HESX1: variants seen among roughly 807,000 people sequenced by gnomAD.
HESX1 encodes the protein HESX homeobox 1, also known as homeobox expressed in ES cells 1.
Under a neutral mutation model 22.5 loss-of-function variants are expected in HESX1, and 11 were observed. The ratio of observed to expected loss-of-function variants is 0.49; its 90% CI spans 0.31 to 0.81. HESX1 has a LOEUF of 0.81. Ranked by LOEUF, HESX1 falls within the 30% of genes least tolerant of loss-of-function variation. HESX1 has a pLI of 0.05. For synonymous variants in HESX1, 74 were observed against 76.5 expected (o/e 0.97, Z 0.17); for missense variants, 201 against 212.6 (o/e 0.95, Z 0.34).
At chr3:57,219,808 T>A (rs1259125661) in intron 1 of HESX1, among the ~76,000 whole-genome samples, 1 of 152,230 alleles carries the variant, frequency 6.6e-6, no homozygotes, top group Non-Finnish European at 1.5e-5. Flanking sequence ...ACTCTGTTGA[T>A]ATTTTCTTTT....
Position 57,199,884 on chromosome 3 carries a change from C to T in HESX1, c.35G>A (p.Gly12Glu), listed in dbSNP as rs1211787671. Reference protein sequence around the residue: ...SPSLQEGAQLGENKPSTCSFS... With the variant: ...SPSLQEGAQLEENKPSTCSFS... Reference sequence around the variant, plus strand: ...GGAGCAAGTTGAGGGTTTGTTTTCCCCGAGCTGAGCGCCTTCCTGAAGGCT... The same window carrying T: ...GGAGCAAGTTGAGGGTTTGTTTTCCTCGAGCTGAGCGCCTTCCTGAAGGCT... Residue 12 changes from glycine to glutamate, a missense_variant, in exon 1 of 4, where the codon GGG becomes GAG. Physicochemically the swap from Gly to Glu is moderately conservative, Grantham distance 98. Transcript: ENST00000295934. 32 of 1,613,882 alleles carry T rather than the reference C, an allele frequency of 2.0e-5. No individual in the cohort carries two copies. Among genetic ancestry groups the T allele is most frequent in the Non-Finnish European group, 2.4e-5 (28 of 1,179,980 alleles).
At chr3:57,224,494 T>C (rs2060632101) in intron 1 of HESX1, among the ~76,000 whole-genome samples, 1 of 152,092 alleles carries the variant, frequency 6.6e-6, no homozygotes, top group Non-Finnish European at 1.5e-5. Flanking sequence ...AAATGATCAT[T>C]CTCCATCTTG....
chr3:57,221,564 G>C (rs971602253), intron 1 of HESX1, among the ~76,000 whole-genome samples: 1 of 152,148 alleles, frequency 6.6e-6, no homozygotes, highest in Non-Finnish European at 1.5e-5. Flanking sequence ...TGCAATCATA[G>C]CTCACTACAG....
intron 1 of HESX1, among the ~76,000 whole-genome samples, chr3:57,221,947 A>G (rs866608313): frequency 5.3e-5 from 8 of 152,206 alleles, no homozygotes; most frequent in African/African-American, 1.9e-4. Flanking sequence ...TTTATTTTTT[A>G]TTGTCTTTCT....
Position 57,198,236 on chromosome 3 carries a change from T to G in HESX1, c.519A>C (p.Leu173=). The change falls in exon 4 of 4, where the codon CTA becomes CTC. Residue 173 remains leucine (L), a synonymous_variant. Coordinates refer to ENST00000295934, the MANE Select transcript of HESX1 (RefSeq NM_003865.3). ...TTGTGTTGAAATTTTTTTTCGCCAT[T>G]AGAAACTGTGATTCTCTATGGGACC... ...LKRSHRESQF[L]MAKKNFNTNL... is the part of the protein sequence containing the mutation. The G allele has an allele frequency of 6.2e-7, 1 of 1,613,252 alleles. No homozygotes were observed. The highest frequency in any genetic ancestry group is 8.5e-7 in the Non-Finnish European group (1 of 1,179,440).
chr3:57,219,469 G>A (rs548424881), intron 1 of HESX1, among the ~76,000 whole-genome samples: 3 of 151,794 alleles, frequency 2.0e-5, no homozygotes, highest in African/African-American at 4.8e-5. Context: ...CCAGATTCAC[G>A]CCATTCTCCT....
intron 1 of HESX1, among the ~76,000 whole-genome samples, chr3:57,224,983 TTACTC>T (rs2060634164): frequency 6.6e-6 from 1 of 152,230 alleles, no homozygotes; most frequent in Non-Finnish European, 1.5e-5. Flanking sequence ...CCCAAAGTTT[TTACTC>T]TACTACCCAC....
chr3:57,215,055 G>A (rs1371507731), intron 1 of HESX1, among the ~76,000 whole-genome samples: 2 of 152,102 alleles, frequency 1.3e-5, no homozygotes, highest in Non-Finnish European at 2.9e-5. Flanking sequence ...GACAGAATGT[G>A]ATAAATGATA....
At chr3:57,205,863 A>AT (rs1269880314) in intron 1 of HESX1, among the ~76,000 whole-genome samples, 2 of 152,154 alleles carry the variant, frequency 1.3e-5, no homozygotes, top group African/African-American at 2.4e-5. Flanking sequence ...TCTCTATAGG[A>AT]TTTTTTTGTG....
upstream of HESX1, among the ~76,000 whole-genome samples, chr3:57,201,055 T>A (rs2060482649): frequency 2.0e-5 from 3 of 152,226 alleles, no homozygotes; most frequent in African/African-American, 7.2e-5. Flanking sequence ...TAAATTTAAG[T>A]GCTTAGCTTT....
At chr3:57,198,365 G>T in intron 3 of HESX1, 26 bp downstream of exon 3, 1 of 1,546,816 alleles carries the variant, frequency 6.5e-7, no homozygotes, top group Non-Finnish European at 8.9e-7. Context: ...TCAACATCAT[G>T]AATAACAACT....
chr3:57,224,209 C>T (rs892198500), intron 1 of HESX1, among the ~76,000 whole-genome samples: 1 of 152,204 alleles, frequency 6.6e-6, no homozygotes, highest in African/African-American at 2.4e-5. Flanking sequence ...GTCTTGAACT[C>T]TTGACCTCAG....
At chr3:57,211,009 G>A (rs1412815386) in intron 1 of HESX1, among the ~76,000 whole-genome samples, 4 of 151,140 alleles carry the variant, frequency 2.6e-5, no homozygotes, top group African/African-American at 9.7e-5. Flanking sequence ...GCCTGAGGTC[G>A]GGAGTTTGAG....
intron 1 of HESX1, among the ~76,000 whole-genome samples, chr3:57,226,076 C>T (rs2060642210): frequency 6.6e-6 from 1 of 151,728 alleles, no homozygotes; most frequent in South Asian, 2.1e-4. Context: ...CTGGGTTTCG[C>T]CATGTTGGGC....
At position 57,205,029 on chromosome 3, in the gene HESX1, C is replaced by A. The variant is rs563772526; in HGVS notation, c.-110-5001G>T. Among the ~76,000 whole-genome samples the A allele has an allele frequency of 3.3e-5, 5 of 152,256 alleles. No individual in the cohort carries two copies. The South Asian group carries it at 1.0e-3, about 32-fold the overall frequency. ...ATCTCTAGTGGTCCCTGCTTCCACCCTGGACCCACCATGGCTTTCTATGAA... is the reference window on the plus strand; with the variant it reads ...ATCTCTAGTGGTCCCTGCTTCCACCATGGACCCACCATGGCTTTCTATGAA... On this transcript the variant is annotated intron_variant, in intron 1 of 2. Transcript: ENST00000495160.
At chr3:57,227,130 C>G (rs1434713770), upstream of HESX1, among the ~76,000 whole-genome samples, 2 of 152,150 alleles carry the variant, frequency 1.3e-5, no homozygotes, top group African/African-American at 2.4e-5. Context: ...TCCTGAAGGA[C>G]TGACCTCGGG....
intron 1 of HESX1, among the ~76,000 whole-genome samples, chr3:57,213,696 G>A (rs2060568530): frequency 6.6e-6 from 1 of 152,180 alleles, no homozygotes; most frequent in Admixed American, 6.5e-5. Flanking sequence ...GGAGGTCGAG[G>A]CAGGCGGATC....
upstream of HESX1, among the ~76,000 whole-genome samples, chr3:57,204,798 C>CAAAAAAAA (rs35358466): frequency 7.4e-6 from 1 of 134,438 alleles, no homozygotes; most frequent in Non-Finnish European, 1.6e-5. Context: ...AACCTTGTCT[C>CAAAAAAAA]AAAAAAAAAA....
chr3:57,201,920 T>TATCTATC (rs2107568691), upstream of HESX1, among the ~76,000 whole-genome samples: 1 of 151,796 alleles, frequency 6.6e-6, no homozygotes, highest in Admixed American at 6.6e-5. Flanking sequence ...TCTATCTATC[T>TATCTATC]ATCTATCTAT....
Sources: gnomAD v4.1 joint callset for allele counts (sites outside exome capture counted in the v4.1 genomes callset) on GRCh38, gnomAD v4.1.1 for gene constraint, MANE v1.5 for transcripts, NCBI Gene and HGNC (gene_info 2026-07-23, HGNC 2026-07-21) for gene names.